KIF6: variants seen among roughly 807,000 people sequenced by gnomAD.
KIF6 encodes kinesin family member 6.
KIF6 carries 106 observed loss-of-function variants against 112.7 expected under a neutral mutation model. The observed-to-expected ratio is 0.94, with a 90% confidence interval of 0.80 to 1.11. KIF6 has a LOEUF of 1.11. Among genes scored for constraint, KIF6 ranks in the 50% least tolerant of loss-of-function variants. KIF6 has a pLI of 0.00. For missense variants in KIF6, 929 were observed against 964.0 expected (o/e 0.96, Z 0.48); for synonymous variants, 339 against 339.9 (o/e 1.00, Z 0.03).
At chr6:39,533,206 G>A (rs1201509903) in intron 13 of KIF6, among the ~76,000 whole-genome samples, 1 of 152,262 alleles carries the variant, frequency 6.6e-6, no homozygotes, top group African/African-American at 2.4e-5. Context: ...AGCAGGGCAA[G>A]GCATTGCCTC....
At chr6:39,381,001 A>G (rs940870730) in intron 16 of KIF6, among the ~76,000 whole-genome samples, 3 of 152,220 alleles carry the variant, frequency 2.0e-5, no homozygotes, top group Non-Finnish European at 4.4e-5. Context: ...TTATGCTTTT[A>G]TGGACTGAGC....
At chr6:39,589,452 G>A (rs987340206) in intron 7 of KIF6, among the ~76,000 whole-genome samples, 4 of 152,258 alleles carry the variant, frequency 2.6e-5, no homozygotes, top group South Asian at 2.1e-4. Context: ...CCCCCACTGC[G>A]GAGAACAGTG....
At chr6:39,620,108 C>T (rs1051895907) in intron 5 of KIF6, among the ~76,000 whole-genome samples, 12 of 152,278 alleles carry the variant, frequency 7.9e-5, no homozygotes, top group South Asian at 4.1e-4. Flanking sequence ...GTGCTTGTTA[C>T]GCTAGTATTC....
At position 39,496,552 on chromosome 6, in the gene KIF6, T is replaced by G. The variant is rs1016151197; in HGVS notation, c.1645+43451A>C. 8.6e-5 allele frequency among the ~76,000 whole-genome samples: 13 copies of G among 151,970 alleles called. 1 individual carries two copies. The highest frequency in any genetic ancestry group is 4.4e-5 in the Non-Finnish European group (3 of 68,000). ...CTCATCCTCACTGGAGGGAATAAAG[T>G]TTAGAGAAAAGTGACTACCCCCCCA... On this transcript the variant is annotated intron_variant, in intron 13 of 22. Coordinates refer to ENST00000287152, the MANE Select transcript of KIF6 (RefSeq NM_145027.6).
At chr6:39,346,135 CTCTCT>C (rs1763777448) in intron 20 of KIF6, among the ~76,000 whole-genome samples, 3 of 107,554 alleles carry the variant, frequency 2.8e-5, no homozygotes, top group African/African-American at 7.0e-5. Flanking sequence ...CCCTCTCCCT[CTCTCT>C]CTCTCTCTCT....
chr6:39,460,536 T>TAAAAAAAAAAAAAA (rs759528125), intron 13 of KIF6, among the ~76,000 whole-genome samples: 82 of 57,052 alleles, frequency 1.4e-3, no homozygotes, highest in South Asian at 1.6e-3. Context: ...AAAAAAAAAG[T>TAAAAAAAAAAAAAA]AAAAAAAAAA....
At chr6:39,367,497 G>A (rs10456469) in intron 16 of KIF6, among the ~76,000 whole-genome samples, 2,238 of 152,310 alleles carry the variant, frequency 0.015, 26 homozygotes, top group Middle Eastern at 0.031. Flanking sequence ...AAAAGCAAGA[G>A]AAGGGTTTCA....
intron 20 of KIF6, 34 bp from the exon 21 acceptor site, chr6:39,345,823 T>TG (rs1414847536): frequency 2.0e-6 from 3 of 1,499,298 alleles, no homozygotes; most frequent in Non-Finnish European, 2.8e-6. Flanking sequence ...GCAAAAGGAA[T>TG]GGGGGCAAAT....
At chr6:39,622,978 G>A (rs1197472023) in intron 5 of KIF6, among the ~76,000 whole-genome samples, 2 of 152,196 alleles carry the variant, frequency 1.3e-5, no homozygotes, top group Admixed American at 6.5e-5. Flanking sequence ...GGCTTGGGGT[G>A]TGGCAAGGAA....
intron 14 of KIF6, among the ~76,000 whole-genome samples, chr6:39,423,974 C>T (rs1770576074): frequency 6.6e-6 from 1 of 152,162 alleles, no homozygotes; most frequent in Admixed American, 6.5e-5. Context: ...AAACCTGGTC[C>T]TGTTACTCCC....
intron 8 of KIF6, 43 bp from the exon 9 acceptor site, chr6:39,585,027 A>G: frequency 9.3e-7 from 1 of 1,080,950 alleles, no homozygotes; most frequent in Non-Finnish European, 1.4e-6. Flanking sequence ...TGGCATAGAG[A>G]GATATTTCTT....
intron 3 of KIF6, among the ~76,000 whole-genome samples, chr6:39,675,656 T>C (rs991493527): frequency 6.6e-6 from 1 of 151,988 alleles, no homozygotes; most frequent in African/African-American, 2.4e-5. Context: ...AGAGTGAGTG[T>C]AGACATACAA....
At chr6:39,645,361 C>T (rs1302692118) in intron 3 of KIF6, among the ~76,000 whole-genome samples, 2 of 152,036 alleles carry the variant, frequency 1.3e-5, no homozygotes, top group East Asian at 3.9e-4. Flanking sequence ...TTTAGTTTTT[C>T]CATTTGTATT....
intron 5 of KIF6, among the ~76,000 whole-genome samples, chr6:39,621,234 T>TACACAC (rs1477311569): frequency 1.6e-3 from 115 of 70,434 alleles, no homozygotes; most frequent in African/African-American, 7.2e-3. Context: ...CACACACACG[T>TACACAC]ACACATATAT....
chr6:39,396,161 T>G (rs747889858), intron 15 of KIF6, among the ~76,000 whole-genome samples: 36 of 152,120 alleles, frequency 2.4e-4, no homozygotes, highest in Non-Finnish European at 4.7e-4. Flanking sequence ...AGACTGGAGA[T>G]TAGGAGGAAT....
chr6:39,531,130 C>G (rs954862842), intron 13 of KIF6, among the ~76,000 whole-genome samples: 1 of 152,146 alleles, frequency 6.6e-6, no homozygotes, highest in African/African-American at 2.4e-5. Context: ...GAACTATATC[C>G]AATAACAGTG....
At chr6:39,687,786 T>C (rs566987895) in intron 3 of KIF6, among the ~76,000 whole-genome samples, 1 of 152,240 alleles carries the variant, frequency 6.6e-6, no homozygotes, top group East Asian at 1.9e-4. Context: ...ATGCAACCTT[T>C]GCAGGTCATT....
In KIF6 at chr6:39,544,552, T is replaced by C; in HGVS notation, c.1426+3A>G. 5.6e-6 allele frequency: 9 copies of C among 1,611,510 alleles called. No homozygotes were observed. The highest frequency in any genetic ancestry group is 6.8e-6 in the Non-Finnish European group (8 of 1,179,184). On this transcript the variant is annotated splice_donor_region_variant and intron_variant, in intron 12 of 22. Coordinates refer to ENST00000287152, the MANE Select transcript of KIF6 (RefSeq NM_145027.6). ...AGTTTCTTCATCACTTCAGAAAGGA[T>C]ACTGATTTCGTTATCTCTCTGTTTC...
chr6:39,664,794 T>C (rs10947828), intron 3 of KIF6, among the ~76,000 whole-genome samples: 36,211 of 151,994 alleles, frequency 0.24, 4,761 homozygotes, highest in East Asian at 0.4. Context: ...AAAGATACAA[T>C]CCTTAATACC....
Sources: gnomAD v4.1 joint callset for allele counts (sites outside exome capture counted in the v4.1 genomes callset) on GRCh38, gnomAD v4.1.1 for gene constraint, MANE v1.5 for transcripts, NCBI Gene and HGNC (gene_info 2026-07-23, HGNC 2026-07-21) for gene names.